Variants in PTPRU observed in about 807,000 individuals in gnomAD.
The protein encoded by PTPRU is receptor-type tyrosine-protein phosphatase U.
PTPRU carries 69 observed loss-of-function variants against 166.3 expected under a neutral mutation model. The observed-to-expected ratio is 0.41, with a 90% confidence interval of 0.34 to 0.51. The LOEUF (loss-of-function observed/expected upper bound fraction) is 0.51. Ranked by LOEUF, PTPRU falls within the 20% of genes least tolerant of loss-of-function variation. PTPRU has a pLI of 0.09. For synonymous variants in PTPRU, 793 were observed against 814.0 expected (o/e 0.97, Z 0.44); for missense variants, 1,657 against 2,013.7 (o/e 0.82, Z 3.39).
rs1456179337 is a variant in PTPRU, at chr1:29,280,776, CAT to C, written c.1868+636_1868+637del. On this transcript the variant is annotated intron_variant, in intron 11 of 29. Coordinates refer to ENST00000373779, the MANE Select transcript of PTPRU (RefSeq NM_133178.4). This position sits in a 1 kb window ranked among gnomAD's most constrained non-coding sequence, Gnocchi z 4.2. ...GGCGTATATGGGAGACATAAGTGTG[CAT>C]GTGTGTGAGAGTGTGAGGGTGTTTG... Among the ~76,000 whole-genome samples the C allele has an allele frequency of 6.6e-6, 1 of 151,738 alleles. No homozygotes were observed. The highest frequency in any genetic ancestry group is 2.4e-5 in the African/African-American group (1 of 41,276).
Position 29,304,182 on chromosome 1 carries a change from T to C in PTPRU, c.2667+137T>C, listed in dbSNP as rs1687276162. 4.8e-6 allele frequency: 5 copies of C among 1,039,672 alleles called. No individual in the cohort carries two copies. In the South Asian group the frequency reaches 9.5e-5, roughly 20 times the overall value. 64.4% of individuals were successfully genotyped at this position (1,039,672 alleles called of 1,614,324 possible). On this transcript the variant is annotated intron_variant, in intron 16 of 29. Transcript: ENST00000373779. The stretch of plus-strand genomic sequence containing the variant: ...TCTGACAGTTTCCAACTCAACCTTT[T>C]TGACCTCGACTCTGACCCTCATCCT...
At chr1:29,278,795 G>A (rs1277638691) in intron 8 of PTPRU, among the ~76,000 whole-genome samples, 1 of 152,236 alleles carries the variant, frequency 6.6e-6, no homozygotes, top group African/African-American at 2.4e-5. Flanking sequence ...ATATGCAATT[G>A]CTGATGTTTG....
chr1:29,261,009 A>C, intron 7 of PTPRU, 106 bp downstream of exon 7: 4 of 1,255,088 alleles, frequency 3.2e-6, no homozygotes, highest in Non-Finnish European at 4.2e-6. Context: ...TTTCTAAAAC[A>C]TTGTGATTTT....
Position 29,315,872 on chromosome 1 carries a change from A to G in PTPRU, c.3364-130A>G. 1.7e-6 allele frequency: 2 copies of G among 1,186,536 alleles called. No individual in the cohort carries two copies. The allele number at this position is 1,186,536 out of a possible 1,614,324, so 73.5% of individuals were successfully genotyped here. On this transcript the variant is annotated intron_variant, in intron 23 of 29. Coordinates refer to ENST00000373779, the MANE Select transcript of PTPRU (RefSeq NM_133178.4). The surrounding 1 kb of genome is among the most constrained non-coding windows in gnomAD (Gnocchi z 4.5). ...AGGTTGTTTCAGGTAGGCTTGGTCC[A>G]GCCTGTAGTAACATGGTTGGCCTCC...
chr1:29,322,311 C>G (rs991904021), intron 26 of PTPRU, among the ~76,000 whole-genome samples: 1 of 152,240 alleles, frequency 6.6e-6, no homozygotes. Context: ...GACACAGCCC[C>G]TCCCAGATCT....
intron 15 of PTPRU, among the ~76,000 whole-genome samples, chr1:29,296,766 C>T (rs1369412680): frequency 1.3e-5 from 2 of 151,274 alleles, no homozygotes; most frequent in Non-Finnish European, 2.9e-5. Flanking sequence ...AAGCGATTTA[C>T]TTGTCTTTGC....
chr1:29,240,805 G>A (rs1313784061), intron 1 of PTPRU, among the ~76,000 whole-genome samples: 3 of 151,174 alleles, frequency 2.0e-5, no homozygotes, highest in East Asian at 2.0e-4. Context: ...GAGGGAGCCC[G>A]CAGGGCCCTG....
chr1:29,238,610 C>A lies in PTPRU; in HGVS notation c.73+1893C>A, dbSNP rs1683897503. Among the ~76,000 whole-genome samples, 1 of 152,226 alleles carries A rather than the reference C, an allele frequency of 6.6e-6. No homozygotes were observed. The highest frequency in any genetic ancestry group is 2.1e-4 in the South Asian group (1 of 4,836). ...AGCGCTTGGGCCTCGCCCTGCAGCT[C>A]CGGGGCCATAGGGCACAGCTTTAGC... On this transcript the variant is annotated intron_variant, in intron 1 of 29. Coordinates refer to ENST00000373779, the MANE Select transcript of PTPRU (RefSeq NM_133178.4). The surrounding 1 kb of genome is among the most constrained non-coding windows in gnomAD (Gnocchi z 6.1).
chr1:29,313,387 C>A (rs1687759093), intron 22 of PTPRU, among the ~76,000 whole-genome samples: 1 of 152,190 alleles, frequency 6.6e-6, no homozygotes, highest in South Asian at 2.1e-4. Context: ...CCCTGCCCTG[C>A]CACCTAAACC....
intron 14 of PTPRU, 125 bp downstream of exon 14, chr1:29,284,994 C>G (rs906859352): frequency 3.7e-5 from 47 of 1,276,664 alleles, no homozygotes; most frequent in Non-Finnish European, 6.4e-6. Context: ...GGCTGCCAGC[C>G]TGGGCATCGC....
chr1:29,272,921 A>G (rs897353396), intron 7 of PTPRU, among the ~76,000 whole-genome samples: 26 of 148,258 alleles, frequency 1.8e-4, no homozygotes, highest in Non-Finnish European at 2.8e-4. Context: ...AAAAAAAAAA[A>G]AAAAAAGAAA....
At chr1:29,286,818 C>T (rs1278552506) in intron 14 of PTPRU, among the ~76,000 whole-genome samples, 1 of 152,132 alleles carries the variant, frequency 6.6e-6, no homozygotes, top group African/African-American at 2.4e-5. Context: ...GTATTTGCTA[C>T]CCCATAAACC....
At chr1:29,250,921 G>A (rs1208452405) in intron 1 of PTPRU, among the ~76,000 whole-genome samples, 1 of 152,228 alleles carries the variant, frequency 6.6e-6, no homozygotes, top group African/African-American at 2.4e-5. Context: ...GTCTAGAGAC[G>A]GACATGGGTC....
At chr1:29,242,704 C>T (rs1684111080) in intron 1 of PTPRU, among the ~76,000 whole-genome samples, 1 of 152,096 alleles carries the variant, frequency 6.6e-6, no homozygotes, top group Non-Finnish European at 1.5e-5. Flanking sequence ...ATGAGGCGGC[C>T]TGCAGCACCT....
intron 28 of PTPRU, 43 bp downstream of exon 28, chr1:29,323,831 A>C: frequency 6.2e-7 from 1 of 1,605,006 alleles, no homozygotes; most frequent in Non-Finnish European, 8.5e-7. Flanking sequence ...GGGGTTGGGG[A>C]GCCAGGGGCA....
At chr1:29,250,879 G>A (rs1684514953) in intron 1 of PTPRU, among the ~76,000 whole-genome samples, 1 of 152,226 alleles carries the variant, frequency 6.6e-6, no homozygotes, top group Non-Finnish European at 1.5e-5. Context: ...CTATGAGCTG[G>A]AGCTAGAACT....
chr1:29,320,354 T>C lies in PTPRU; in HGVS notation c.3688-331T>C, dbSNP rs1255858699. On this transcript the variant is annotated intron_variant, in intron 25 of 29. Transcript: ENST00000373779. The surrounding 1 kb of genome is among the most constrained non-coding windows in gnomAD (Gnocchi z 5.2). Reference sequence around the variant, plus strand: ...TGGCCTAGGCAGCCAAAATAGCAGATGCCGAAGCGCGGAGGCAGGGAGTAA... The same window carrying C: ...TGGCCTAGGCAGCCAAAATAGCAGACGCCGAAGCGCGGAGGCAGGGAGTAA... 1 of 246,680 alleles carries C rather than the reference T, an allele frequency of 4.1e-6. No homozygotes were observed. The highest frequency in any genetic ancestry group is 7.7e-6 in the Non-Finnish European group (1 of 129,448). The allele number at this position is 246,680 out of a possible 1,614,324, so 15.3% of individuals were successfully genotyped here.
At chr1:29,266,683 C>T (rs555763610) in intron 7 of PTPRU, among the ~76,000 whole-genome samples, 14 of 152,220 alleles carry the variant, frequency 9.2e-5, no homozygotes, top group South Asian at 6.2e-4. Context: ...ATTTATTCAA[C>T]GAATGCTTAT....
At position 29,312,624 on chromosome 1, in the gene PTPRU, C is replaced by G; in HGVS notation, c.3145C>G (p.His1049Asp). 6.2e-7 allele frequency: 1 copy of G among 1,611,680 alleles called. No individual in the cohort carries two copies. Among genetic ancestry groups the G allele is most frequent in the Non-Finnish European group, 8.5e-7 (1 of 1,178,276 alleles). Residue 1049 changes from histidine (H) to aspartate (D), a missense_variant, in exon 22 of 30, where the codon CAT (histidine) becomes GAT (aspartate). This residue lies in a region of PTPRU where 1,190 missense variants were observed against 1,477.4 expected (regional missense o/e 0.81). Transcript: ENST00000373779. ...TAWPEHGVPY[H>D]ATGLLAFIRR... ...GTGGCCAGAGCATGGCGTCCCCTACCATGCCACGGGGCTGCTGGCTTTCAT... is the reference window on the plus strand; with the variant it reads ...GTGGCCAGAGCATGGCGTCCCCTACGATGCCACGGGGCTGCTGGCTTTCAT...
Sources: gnomAD v4.1 joint callset for allele counts (sites outside exome capture counted in the v4.1 genomes callset) on GRCh38, gnomAD v4.1.1 for gene constraint, gnomAD v4.1.1 regional missense constraint, Gnocchi (gnomAD v3.1) non-coding constraint, MANE v1.5 for transcripts, NCBI Gene and HGNC (gene_info 2026-07-23, HGNC 2026-07-21) for gene names.